TMPRSS6: variants seen among roughly 807,000 people sequenced by gnomAD.
TMPRSS6 encodes transmembrane serine protease 6.
TMPRSS6 carries 67 observed loss-of-function variants against 101.5 expected under a neutral mutation model. That is an observed-to-expected ratio of 0.66 (90% confidence interval 0.54 to 0.81). The LOEUF (loss-of-function observed/expected upper bound fraction) is 0.81. TMPRSS6 is among the 30% of genes least tolerant of loss of function. The pLI is 0.00. For synonymous variants in TMPRSS6, 453 were observed against 464.9 expected, an observed-to-expected ratio of 0.97 and a Z score of 0.33; for missense variants, 1,034 against 1,088.7, an observed-to-expected ratio of 0.95 and a Z score of 0.71.
In TMPRSS6 at chr22:37,066,193, A is replaced by G. The variant is rs746705930; in HGVS notation, c.2296T>C (p.Trp766Arg). The change falls in exon 18 of 18, where the codon TGG becomes CGG. Residue 766 changes from tryptophan (W) to arginine (R), a missense_variant. Coordinates refer to ENST00000676104, the MANE Select transcript of TMPRSS6 (RefSeq NM_001374504.1). ...PLVCKALSGR[W>R]FLAGLVSWGL... ...CAGCTGACCAGCCCCGCCAGGAACC[A>G]GCGGCCACTGAGTGCCTTGCACACC... 2 of 1,613,140 alleles carry G rather than the reference A, an allele frequency of 1.2e-6. No homozygotes were observed. Among genetic ancestry groups the G allele is most frequent in the African/African-American group, 2.7e-5 (2 of 75,068 alleles).
intron 1 of TMPRSS6, among the ~76,000 whole-genome samples, chr22:37,105,087 G>A (rs977948179): frequency 1.3e-5 from 2 of 152,162 alleles, no homozygotes; most frequent in Admixed American, 6.5e-5. Flanking sequence ...AATGCTCAAA[G>A]TCCTCCCAGG....
Position 37,069,020 on chromosome 22 carries a change from C to T in TMPRSS6, c.2113+53G>A, listed in dbSNP as rs1926596944. ...CCCTTCTCCAGGCCAGGTGTTACGG[C>T]GCAGATCCGCACGGTCTCCCTCCGC... On this transcript the variant is annotated intron_variant, in intron 16 of 17. Transcript: ENST00000676104. The surrounding 1 kb of genome is among the most constrained non-coding windows in gnomAD (Gnocchi z 4.8). 2 of 1,531,188 alleles carry T rather than the reference C, an allele frequency of 1.3e-6. No individual in the cohort carries two copies. The highest frequency in any genetic ancestry group is 8.7e-7 in the Non-Finnish European group (1 of 1,145,382). The allele number at this position is 1,531,188 out of a possible 1,614,324, so 94.9% of individuals were successfully genotyped here. A position where few individuals can be genotyped will look rare whatever the true frequency, so the allele number is the denominator to read the frequency against.
At chr22:37,088,233 A>ACATGCC (rs1412141042) in intron 7 of TMPRSS6, among the ~76,000 whole-genome samples, 1 of 152,156 alleles carries the variant, frequency 6.6e-6, no homozygotes, top group Non-Finnish European at 1.5e-5. Flanking sequence ...CAGCCCACGC[A>ACATGCC]CATGCCGCAG....
rs911421151 is a variant in TMPRSS6, at chr22:37,069,375, G to A, written c.1842-31C>T. 2 of 1,465,242 alleles carry A rather than the reference G, an allele frequency of 1.4e-6. No homozygotes were observed. The highest frequency in any genetic ancestry group is 9.2e-7 in the Non-Finnish European group (1 of 1,083,138). The allele number at this position is 1,465,242 out of a possible 1,614,324, so 90.8% of individuals were successfully genotyped here. ...GTGGGGTGGGGTGGGGTGGGGTGGG[G>A]TGAGGTGAGGTGGGAGGAAGCTGCC... On this transcript the variant is annotated intron_variant, in intron 15 of 17. Transcript: ENST00000676104. This position sits in a 1 kb window ranked among gnomAD's most constrained non-coding sequence, Gnocchi z 4.8.
chr22:37,072,802 A>T (rs1344581685), intron 13 of TMPRSS6, among the ~76,000 whole-genome samples: 2 of 137,156 alleles, frequency 1.5e-5, no homozygotes, highest in Non-Finnish European at 3.1e-5. Flanking sequence ...TGGATGATGG[A>T]TGGATGGATG....
chr22:37,089,378 G>A (rs902648925), intron 7 of TMPRSS6, among the ~76,000 whole-genome samples, 200 bp downstream of exon 7: 4 of 151,988 alleles, frequency 2.6e-5, no homozygotes, highest in East Asian at 1.9e-4. Flanking sequence ...TGAGGCTCGC[G>A]GAGGGGAAGC....
chr22:37,090,217 CA>C (rs1929146011), intron 6 of TMPRSS6, among the ~76,000 whole-genome samples: 1 of 152,202 alleles, frequency 6.6e-6, no homozygotes, highest in Non-Finnish European at 1.5e-5. Flanking sequence ...AAAGTACACA[CA>C]GGGCACGTGT....
intron 3 of TMPRSS6, 56 bp from the exon 4 acceptor site, chr22:37,096,771 C>T: frequency 1.3e-6 from 2 of 1,524,904 alleles, no homozygotes; most frequent in South Asian, 1.2e-5. Flanking sequence ...GACAGGCCCA[C>T]TTCCTACCTG....
chr22:37,069,138 C>G lies in TMPRSS6; in HGVS notation c.2048G>C (p.Arg683Pro), dbSNP rs1926626834. 6.4e-7 allele frequency: 1 copy of G among 1,569,590 alleles called. No individual in the cohort carries two copies. The highest frequency in any genetic ancestry group is 8.6e-7 in the Non-Finnish European group (1 of 1,159,364). Residue 683 changes from arginine to proline, a missense_variant, in exon 16 of 18, where the codon CGC becomes CCC. Arg to Pro is a moderately radical substitution (Grantham distance 103). Transcript: ENST00000676104. This position sits in a 1 kb window ranked among gnomAD's most constrained non-coding sequence, Gnocchi z 4.8. ...CAGGCCGGGCTCGAAGAAGTGGGAGCGCGCGGGCAGGCAGACGGGGCGCAC... is the reference window on the plus strand; with the variant it reads ...CAGGCCGGGCTCGAAGAAGTGGGAGGGCGCGGGCAGGCAGACGGGGCGCAC... ...AAVRPVCLPA[R>P]SHFFEPGLHC...
At chr22:37,079,334 A>G (rs1040648553) in intron 10 of TMPRSS6, among the ~76,000 whole-genome samples, 3 of 152,100 alleles carry the variant, frequency 2.0e-5, no homozygotes, top group Non-Finnish European at 4.4e-5. Flanking sequence ...ACCTCTCTGG[A>G]TATGGGGAAT....
At chr22:37,080,906 C>T (rs1393902534) in intron 10 of TMPRSS6, among the ~76,000 whole-genome samples, 3 of 152,274 alleles carry the variant, frequency 2.0e-5, no homozygotes, top group Non-Finnish European at 2.9e-5. Context: ...GAATCGCACA[C>T]GTGGACCACA....
chr22:37,092,144 T>C (rs1463357956), intron 6 of TMPRSS6, among the ~76,000 whole-genome samples: 5 of 151,888 alleles, frequency 3.3e-5, no homozygotes, highest in African/African-American at 1.2e-4. Context: ...TAACCTCTTG[T>C]TAATCAGAAA....
At chr22:37,108,261 G>A (rs1389546201) in intron 1 of TMPRSS6, among the ~76,000 whole-genome samples, 2 of 152,118 alleles carry the variant, frequency 1.3e-5, no homozygotes, top group East Asian at 3.9e-4. Flanking sequence ...TTCTGCCTGG[G>A]CCCCCACCTC....
chr22:37,088,776 G>A (rs1928987162), intron 7 of TMPRSS6, among the ~76,000 whole-genome samples: 1 of 152,192 alleles, frequency 6.6e-6, no homozygotes, highest in Admixed American at 6.5e-5. Flanking sequence ...GTCCCAGTTA[G>A]AGCATATATA....
At position 37,103,127 on chromosome 22, in the gene TMPRSS6, G is replaced by T; in HGVS notation, c.202+89C>A. On this transcript the variant is annotated intron_variant, in intron 2 of 17. Coordinates refer to ENST00000676104, the MANE Select transcript of TMPRSS6 (RefSeq NM_001374504.1). The surrounding 1 kb of genome is among the most constrained non-coding windows in gnomAD (Gnocchi z 4.4). ...ACAGCAATATGCTAAGCACGGCTGA[G>T]CCTGGAACCCAGTCCTGTCCTGCTG... 1 of 1,401,004 alleles carries T rather than the reference G, an allele frequency of 7.1e-7. No homozygotes were observed. Among genetic ancestry groups the T allele is most frequent in the Non-Finnish European group, 1.0e-6 (1 of 998,300 alleles). 86.8% of individuals were successfully genotyped at this position (1,401,004 alleles called of 1,614,324 possible). A position where few individuals can be genotyped will look rare whatever the true frequency, so the allele number is the denominator to read the frequency against.
chr22:37,090,020 C>T (rs1929124880), intron 6 of TMPRSS6, among the ~76,000 whole-genome samples: 1 of 152,252 alleles, frequency 6.6e-6, no homozygotes, highest in Non-Finnish European at 1.5e-5. Context: ...GAGCTTCACG[C>T]CTTCTCAGTG....
intron 10 of TMPRSS6, among the ~76,000 whole-genome samples, chr22:37,080,529 T>A (rs17750017): frequency 0.047 from 7,125 of 152,302 alleles, 257 homozygotes; most frequent in African/African-American, 0.1. Flanking sequence ...ACAAGCAGAT[T>A]TCCAACAAAT....
chr22:37,094,381 TGATAGATAGATA>T (rs67454685), intron 6 of TMPRSS6, among the ~76,000 whole-genome samples: 153 of 131,044 alleles, frequency 1.2e-3, no homozygotes, highest in Middle Eastern at 7.4e-3. Context: ...TAATGATTGA[TGATAGATAGATA>T]GATAGATAGA....
At chr22:37,077,926 A>G (rs1278535766) in intron 10 of TMPRSS6, among the ~76,000 whole-genome samples, 1 of 152,154 alleles carries the variant, frequency 6.6e-6, no homozygotes, top group East Asian at 1.9e-4. Context: ...GCCACCCCCG[A>G]CCATGGTTCC....
Sources: allele counts gnomAD v4.1 joint callset (sites outside exome capture counted in the v4.1 genomes callset), GRCh38; gene constraint gnomAD v4.1.1; non-coding constraint Gnocchi (gnomAD v3.1); transcripts MANE v1.5; gene names NCBI Gene and HGNC (gene_info 2026-07-23, HGNC 2026-07-21).